IMMT: variants seen among roughly 807,000 people sequenced by gnomAD.
IMMT encodes MICOS complex subunit MIC60.
A neutral mutation model predicts 92.7 loss-of-function variants in IMMT; 40 were observed. The observed-to-expected ratio is 0.43, with a 90% confidence interval of 0.34 to 0.56. IMMT has a LOEUF of 0.56. Ranked by LOEUF, IMMT falls within the 20% of genes least tolerant of loss-of-function variation. The probability of loss-of-function intolerance (pLI) is 0.03; values close to 1 mark genes in which losing one functional copy is unlikely to be tolerated. For synonymous variants in IMMT, 322 were observed against 336.1 expected, an observed-to-expected ratio of 0.96 and a Z score of 0.46; for missense variants, 831 against 912.1, an observed-to-expected ratio of 0.91 and a Z score of 1.14.
chr2:86,163,735 G>A (rs1329361305), intron 7 of IMMT, among the ~76,000 whole-genome samples: 1 of 151,894 alleles, frequency 6.6e-6, no homozygotes, highest in African/African-American at 2.4e-5. Context: ...CAATTTTGGA[G>A]GCTGAGGTGA....
At chr2:86,177,959 A>G (rs1428347486) in intron 3 of IMMT, among the ~76,000 whole-genome samples, 1 of 152,186 alleles carries the variant, frequency 6.6e-6, no homozygotes, top group Middle Eastern at 3.2e-3. Flanking sequence ...ATGTACTGAG[A>G]GCACTTATGG....
At chr2:86,170,352 G>C (rs1459171659) in intron 6 of IMMT, among the ~76,000 whole-genome samples, 1 of 152,200 alleles carries the variant, frequency 6.6e-6, no homozygotes, top group Non-Finnish European at 1.5e-5. Flanking sequence ...CTGGGAGGTT[G>C]AGGCTGCAGT....
At chr2:86,149,961 T>C (rs1675347057) in intron 12 of IMMT, among the ~76,000 whole-genome samples, 1 of 151,230 alleles carries the variant, frequency 6.6e-6, no homozygotes, top group African/African-American at 2.4e-5. Flanking sequence ...GTGGTAGTAA[T>C]GGAGTGGACA....
intron 7 of IMMT, among the ~76,000 whole-genome samples, chr2:86,162,566 C>T (rs1277577971): frequency 6.6e-6 from 1 of 151,940 alleles, no homozygotes; most frequent in Non-Finnish European, 1.5e-5. Context: ...AAAGTTTTGG[C>T]CGGGCGCAGT....
intron 1 of IMMT, among the ~76,000 whole-genome samples, chr2:86,194,207 A>G (rs895145272): frequency 1.3e-5 from 2 of 152,234 alleles, no homozygotes; most frequent in African/African-American, 2.4e-5. Flanking sequence ...TGATCTCCAA[A>G]TGAGAACCAC....
chr2:86,193,355 C>T (rs1673292251), intron 1 of IMMT, among the ~76,000 whole-genome samples: 1 of 147,876 alleles, frequency 6.8e-6, no homozygotes, highest in Non-Finnish European at 1.5e-5. Flanking sequence ...TGCAGTGAGC[C>T]ATGACTGTGC....
intron 7 of IMMT, among the ~76,000 whole-genome samples, 190 bp from the exon 8 acceptor site, chr2:86,162,269 C>T (rs535163068): frequency 6.6e-6 from 1 of 151,356 alleles, no homozygotes; most frequent in Admixed American, 6.6e-5. Context: ...CTGCCCACAT[C>T]GGCCCCTCAA....
chr2:86,166,994 AG>A (rs1676721834), intron 6 of IMMT, among the ~76,000 whole-genome samples: 1 of 150,818 alleles, frequency 6.6e-6, no homozygotes, highest in Non-Finnish European at 1.5e-5. Flanking sequence ...GCTACCTGGG[AG>A]GCTGAGGCAG....
At chr2:86,149,101 TC>T (rs869216106) in intron 12 of IMMT, among the ~76,000 whole-genome samples, 29 of 152,098 alleles carry the variant, frequency 1.9e-4, no homozygotes, top group Non-Finnish European at 8.8e-5. Context: ...AACCTCCTTT[TC>T]CCCCACCTTA....
intron 7 of IMMT, among the ~76,000 whole-genome samples, chr2:86,162,564 G>A (rs1676373207): frequency 6.6e-6 from 1 of 151,624 alleles, no homozygotes; most frequent in African/African-American, 2.4e-5. Context: ...AAAAAGTTTT[G>A]GCCGGGCGCA....
intron 14 of IMMT, among the ~76,000 whole-genome samples, chr2:86,145,494 CAAAAAAAA>C (rs10554362): frequency 2.4e-4 from 18 of 76,306 alleles, no homozygotes; most frequent in Non-Finnish European, 3.1e-4. Context: ...GACTCTGTCT[CAAAAAAAA>C]AAAAAAAAAA....
chr2:86,194,383 C>G (rs961746897), intron 1 of IMMT, among the ~76,000 whole-genome samples: 49 of 152,160 alleles, frequency 3.2e-4, no homozygotes, highest in Non-Finnish European at 5.9e-5. Context: ...AACACAGGTT[C>G]GTTCCACTTT....
At chr2:86,167,069 G>A (rs955358770) in intron 6 of IMMT, among the ~76,000 whole-genome samples, 3 of 146,954 alleles carry the variant, frequency 2.0e-5, no homozygotes, top group African/African-American at 5.0e-5. Flanking sequence ...CTGCACTCTA[G>A]CCTGGGCGAC....
intron 3 of IMMT, among the ~76,000 whole-genome samples, chr2:86,178,142 C>T (rs1323445852): frequency 4.0e-5 from 6 of 151,390 alleles, no homozygotes; most frequent in South Asian, 2.1e-4. Context: ...AGTGAAACCC[C>T]GTCTCTACTA....
intron 1 of IMMT, among the ~76,000 whole-genome samples, chr2:86,187,852 C>T (rs186902332): frequency 6.6e-6 from 1 of 150,492 alleles, no homozygotes; most frequent in East Asian, 2.0e-4. Context: ...GTAGAGGTTG[C>T]GGTGAGCCGA....
At chr2:86,157,804 G>GAAA (rs113355266) in intron 10 of IMMT, among the ~76,000 whole-genome samples, 28 of 111,856 alleles carry the variant, frequency 2.5e-4, no homozygotes, top group African/African-American at 8.0e-4. Context: ...AAAAAAAAAA[G>GAAA]AAAAAAAAAA....
chr2:86,150,006 G>C (rs1675350962), intron 12 of IMMT, among the ~76,000 whole-genome samples: 1 of 152,198 alleles, frequency 6.6e-6, no homozygotes, highest in Non-Finnish European at 1.5e-5. Flanking sequence ...AAACTGGTAG[G>C]ATCTGTGGGG....
chr2:86,144,651 T>C lies in IMMT; in HGVS notation c.1894A>G (p.Arg632Gly), dbSNP rs1320073684. ...TRGVYSEETLRARFYAVQKLA... is the reference protein window; with the variant it reads ...TRGVYSEETLGARFYAVQKLA... ...TTTTGAACAGCATAGAAACGGGCTC[T>C]AAGGGTCTCTTCACTGTACACCCCA... The change falls in exon 15 of 15, where the codon AGA becomes GGA. Residue 632 changes from arginine (R) to glycine (G), a missense_variant. By Grantham distance (125) the Arg-to-Gly change is moderately radical. Coordinates refer to ENST00000410111, the MANE Select transcript of IMMT (RefSeq NM_006839.3). 4.3e-6 allele frequency: 7 copies of C among 1,614,004 alleles called. No individual in the cohort carries two copies. In the South Asian group the frequency reaches 7.7e-5, roughly 18 times the overall value.
chr2:86,191,675 G>T (rs965311156), intron 1 of IMMT, among the ~76,000 whole-genome samples: 3 of 148,950 alleles, frequency 2.0e-5, no homozygotes, highest in Non-Finnish European at 4.5e-5. Context: ...AGGCCAAGGT[G>T]GGGGGATCAC....
Sources: gnomAD v4.1 joint callset for allele counts (sites outside exome capture counted in the v4.1 genomes callset) on GRCh38, gnomAD v4.1.1 for gene constraint, MANE v1.5 for transcripts, NCBI Gene and HGNC (gene_info 2026-07-23, HGNC 2026-07-21) for gene names.